GABBR2: variants seen among roughly 807,000 people sequenced by gnomAD.
GABBR2 encodes the protein G-protein coupled receptor 51.
GABBR2 carries 23 observed loss-of-function variants against 105.6 expected under a neutral mutation model. The ratio of observed to expected loss-of-function variants is 0.22; its 90% CI spans 0.16 to 0.31. The LOEUF is 0.31. GABBR2 is among the 10% of genes least tolerant of loss of function. The pLI is 1.00. For missense variants in GABBR2, 734 were observed against 1,245.5 expected (o/e 0.59, Z 6.18); for synonymous variants, 478 against 499.7 (o/e 0.96, Z 0.58).
intron 4 of GABBR2, among the ~76,000 whole-genome samples, chr9:98,495,103 C>A (rs1409927875): frequency 2.6e-5 from 4 of 152,180 alleles, no homozygotes; most frequent in African/African-American, 9.6e-5. Context: ...GACCTGGCTC[C>A]AGCCACCTGG....
rs1830235734 is a variant in GABBR2, at chr9:98,288,532, C to T, written c.*2052G>A. ...CTGCTATGCTGGAATAATATTTCTACAGGTATTTTTTTTTGTGTGTGTGTA... is the reference window on the plus strand; with the variant it reads ...CTGCTATGCTGGAATAATATTTCTATAGGTATTTTTTTTTGTGTGTGTGTA... On this transcript the variant is annotated 3_prime_UTR_variant, in exon 19 of 19. Transcript: ENST00000259455. 6.6e-6 allele frequency: 1 copy of T among 150,894 alleles called. No individual in the cohort carries two copies. The highest frequency in any genetic ancestry group is 1.5e-5 in the Non-Finnish European group (1 of 67,424). The allele number at this position is 150,894 out of a possible 1,614,324, so 9.3% of individuals were successfully genotyped here.
At chr9:98,643,877 C>T (rs73504541) in intron 1 of GABBR2, among the ~76,000 whole-genome samples, 3,408 of 152,296 alleles carry the variant, frequency 0.022, 123 homozygotes, top group African/African-American at 0.077. Flanking sequence ...TTCAAGAGAA[C>T]AGAGCCAACA....
chr9:98,652,060 G>A (rs1412240236), intron 1 of GABBR2, among the ~76,000 whole-genome samples: 1 of 152,160 alleles, frequency 6.6e-6, no homozygotes, highest in South Asian at 2.1e-4. Context: ...CTGGGTGATA[G>A]GTACATGGGG....
intron 4 of GABBR2, among the ~76,000 whole-genome samples, chr9:98,482,240 A>G (rs1826939854): frequency 6.6e-6 from 1 of 152,250 alleles, no homozygotes; most frequent in Non-Finnish European, 1.5e-5. Context: ...GAAAGTGCTG[A>G]CTGAGAGGCC....
intron 4 of GABBR2, among the ~76,000 whole-genome samples, chr9:98,482,533 CT>C (rs1165247350): frequency 6.6e-6 from 1 of 152,174 alleles, no homozygotes; most frequent in Non-Finnish European, 1.5e-5. Flanking sequence ...TTTTTTGCTG[CT>C]GACAGTACCC....
At chr9:98,518,431 C>T (rs752162117) in intron 3 of GABBR2, among the ~76,000 whole-genome samples, 19 of 152,300 alleles carry the variant, frequency 1.2e-4, no homozygotes, top group African/African-American at 4.1e-4. Context: ...ACCATGCATG[C>T]GCGAATCCCC....
At chr9:98,585,539 C>T (rs1165475358) in intron 1 of GABBR2, among the ~76,000 whole-genome samples, 2 of 150,414 alleles carry the variant, frequency 1.3e-5, no homozygotes, top group South Asian at 2.1e-4. Context: ...ATACCTAATG[C>T]TAAATGATGA....
At chr9:98,380,634 C>A (rs1234712295) in intron 11 of GABBR2, among the ~76,000 whole-genome samples, 1 of 152,224 alleles carries the variant, frequency 6.6e-6, no homozygotes, top group Non-Finnish European at 1.5e-5. Context: ...AGGGAGACAG[C>A]ACGGGGTATA....
intron 13 of GABBR2, among the ~76,000 whole-genome samples, chr9:98,338,398 T>C (rs551981204): frequency 6.6e-5 from 10 of 152,268 alleles, no homozygotes; most frequent in Non-Finnish European, 1.3e-4. Context: ...GTATCTAGAA[T>C]ATATAAAGAA....
At chr9:98,443,724 A>T (rs1351872726) in intron 7 of GABBR2, among the ~76,000 whole-genome samples, 3 of 152,224 alleles carry the variant, frequency 2.0e-5, no homozygotes, top group African/African-American at 7.2e-5. Flanking sequence ...AGGGGTACAG[A>T]GAGAATTACA....
chr9:98,404,612 G>A (rs554852413), intron 8 of GABBR2, among the ~76,000 whole-genome samples: 18 of 152,142 alleles, frequency 1.2e-4, no homozygotes, highest in South Asian at 2.1e-4. Context: ...TCATCTAGTC[G>A]TTTTGGCTAA....
chr9:98,344,903 C>A (rs1413911246), intron 13 of GABBR2, among the ~76,000 whole-genome samples: 1 of 152,188 alleles, frequency 6.6e-6, no homozygotes, highest in Non-Finnish European at 1.5e-5. Flanking sequence ...TGCAGCCCAT[C>A]TTCTTAGCCC....
intron 1 of GABBR2, among the ~76,000 whole-genome samples, chr9:98,583,370 G>A (rs914981929): frequency 3.9e-5 from 6 of 152,184 alleles, no homozygotes; most frequent in African/African-American, 1.4e-4. Flanking sequence ...AGCCCCTCAG[G>A]GGCGTAAAGC....
chr9:98,626,988 G>T (rs772560463), intron 1 of GABBR2, among the ~76,000 whole-genome samples: 2 of 152,154 alleles, frequency 1.3e-5, no homozygotes, highest in African/African-American at 4.8e-5. Flanking sequence ...GTTTGAAACC[G>T]CCTTTCTTGA....
chr9:98,382,941 G>GT (rs908003291), intron 11 of GABBR2, among the ~76,000 whole-genome samples: 3 of 150,502 alleles, frequency 2.0e-5, no homozygotes, highest in African/African-American at 7.3e-5. Flanking sequence ...GGCCACCCTT[G>GT]TTTTTTTCTT....
At chr9:98,668,087 C>T (rs569178806) in intron 1 of GABBR2, among the ~76,000 whole-genome samples, 1 of 152,376 alleles carries the variant, frequency 6.6e-6, no homozygotes, top group Admixed American at 6.5e-5. Flanking sequence ...GGATCAGCAA[C>T]AGCCTCAGTT....
intron 13 of GABBR2, among the ~76,000 whole-genome samples, chr9:98,330,355 G>C (rs7872003): frequency 0.023 from 3,506 of 152,248 alleles, 134 homozygotes; most frequent in African/African-American, 0.08. Flanking sequence ...CATGACACCT[G>C]AGAAGCAAAT....
In GABBR2 at chr9:98,454,680, G is replaced by A. The variant is rs977217615; in HGVS notation, c.1000-463C>T. 8.5e-5 allele frequency among the ~76,000 whole-genome samples: 13 copies of A among 152,124 alleles called. No homozygotes were observed. The highest frequency in any genetic ancestry group is 1.9e-4 in the Non-Finnish European group (13 of 68,026). ...ATACACCTTCCTAGGGATCTGGAAG[G>A]CCAAGCTGGAATTCAGAATTCTGGG... On this transcript the variant is annotated intron_variant, in intron 6 of 18. Transcript: ENST00000259455. This position sits in a 1 kb window ranked among gnomAD's most constrained non-coding sequence, Gnocchi z 4.6.
chr9:98,571,270 C>T (rs1289320773), intron 2 of GABBR2, among the ~76,000 whole-genome samples: 1 of 152,188 alleles, frequency 6.6e-6, no homozygotes, highest in Non-Finnish European at 1.5e-5. Context: ...TGGTGCACTC[C>T]ATGGACTGTG....
Sources: gnomAD v4.1 joint callset for allele counts (sites outside exome capture counted in the v4.1 genomes callset) on GRCh38, gnomAD v4.1.1 for gene constraint, Gnocchi (gnomAD v3.1) non-coding constraint, MANE v1.5 for transcripts, NCBI Gene and HGNC (gene_info 2026-07-23, HGNC 2026-07-21) for gene names.